The following SAMMSON variants were observed in gnomAD, a reference collection of about 807,000 sequenced individuals.
The protein encoded by SAMMSON is long intergenic non-protein coding RNA 1212.
rs969664789 is a variant in SAMMSON at position 70,060,297 on chromosome 3, A to C, written n.418-11179A>C. ...GAGGGAAACCAACAGTTAAACAAGG[A>C]ATTATTATAAAGTCTGTGCTGTGAG... On this transcript the variant is annotated intron_variant and non_coding_transcript_variant, in intron 3 of 9. Coordinates refer to ENST00000642114, the Ensembl canonical transcript of SAMMSON. Among the ~76,000 whole-genome samples the C allele has an allele frequency of 2.6e-5, 4 of 152,004 alleles. 1 individual carries two copies. The highest frequency in any genetic ancestry group is 2.6e-4 in the Admixed American group (4 of 15,260).
At chr3:70,001,712 G>A (rs1322098711) in intron 1 of SAMMSON, among the ~76,000 whole-genome samples, 2 of 152,092 alleles carry the variant, frequency 1.3e-5, no homozygotes, top group African/African-American at 4.8e-5. Context: ...CAGGTCCCCT[G>A]TCCTCAAGTA....
chr3:70,375,524 T>C (rs1575636465), intron 9 of SAMMSON, among the ~76,000 whole-genome samples: 1 of 151,980 alleles, frequency 6.6e-6, no homozygotes, highest in Non-Finnish European at 1.5e-5. Flanking sequence ...GTGTGGGAGT[T>C]GGGAGGGGGT....
chr3:70,366,682 A>T (rs2106743375), intron 9 of SAMMSON, among the ~76,000 whole-genome samples: 1 of 151,722 alleles, frequency 6.6e-6, no homozygotes, highest in East Asian at 1.9e-4. Flanking sequence ...ATAACTTTGC[A>T]AATCAATTGG....
chr3:70,253,720 C>A (rs186850972), intron 6 of SAMMSON, among the ~76,000 whole-genome samples: 20 of 152,072 alleles, frequency 1.3e-4, no homozygotes, highest in Admixed American at 1.2e-3. Context: ...AAAACCCCAA[C>A]TCTAAAAAAA....
intron 4 of SAMMSON, among the ~76,000 whole-genome samples, chr3:70,199,150 G>A (rs1237226422): frequency 6.6e-6 from 1 of 152,134 alleles, no homozygotes; most frequent in African/African-American, 2.4e-5. Flanking sequence ...CTTTATACAT[G>A]CAAGGTTAAA....
intron 6 of SAMMSON, chr3:70,283,488 C>T (rs1210549748): frequency 6.6e-6 from 1 of 152,066 alleles, no homozygotes; most frequent in Non-Finnish European, 1.5e-5. Context: ...CATACAGCAT[C>T]AAATTACTTT....
At chr3:70,340,875 G>T (rs888883273) in intron 7 of SAMMSON, among the ~76,000 whole-genome samples, 1 of 152,038 alleles carries the variant, frequency 6.6e-6, no homozygotes, top group African/African-American at 2.4e-5. Context: ...GTTGAATCTT[G>T]TGAGTCCTCT....
At chr3:70,211,080 T>C (rs937189180) in intron 4 of SAMMSON, among the ~76,000 whole-genome samples, 2 of 152,154 alleles carry the variant, frequency 1.3e-5, no homozygotes, top group African/African-American at 4.8e-5. Context: ...TTTCTCTCAT[T>C]TGACTCTTCA....
chr3:70,068,528 G>A (rs531478457), intron 3 of SAMMSON: 1 of 152,044 alleles, frequency 6.6e-6, no homozygotes, highest in Non-Finnish European at 1.5e-5. Context: ...GGGAGGTGGT[G>A]GGGTTAACTA....
chr3:70,026,130 T>C (rs1576100968), intron 3 of SAMMSON, among the ~76,000 whole-genome samples: 1 of 152,190 alleles, frequency 6.6e-6, no homozygotes, highest in South Asian at 2.1e-4. Context: ...TGTTTCTTAC[T>C]TAGATATTTT....
chr3:70,056,174 C>A (rs1024498226), intron 3 of SAMMSON, among the ~76,000 whole-genome samples: 1 of 151,992 alleles, frequency 6.6e-6, no homozygotes, highest in African/African-American at 2.4e-5. Flanking sequence ...TCTTGGAATT[C>A]CTTTTGATTT....
At chr3:70,177,024 A>C (rs940244831) in intron 4 of SAMMSON, among the ~76,000 whole-genome samples, 1 of 152,214 alleles carries the variant, frequency 6.6e-6, no homozygotes, top group African/African-American at 2.4e-5. Context: ...TACATGATGC[A>C]TTAAGGCGTT....
intron 3 of SAMMSON, among the ~76,000 whole-genome samples, chr3:70,019,674 G>A (rs1447801538): frequency 6.6e-6 from 1 of 152,182 alleles, no homozygotes; most frequent in Non-Finnish European, 1.5e-5. Flanking sequence ...TTTCTTCCTA[G>A]CATCGACGGT....
At chr3:70,171,939 G>A (rs978341957) in intron 4 of SAMMSON, among the ~76,000 whole-genome samples, 1 of 151,612 alleles carries the variant, frequency 6.6e-6, no homozygotes, top group African/African-American at 2.4e-5. Context: ...TAAGGCTATA[G>A]TGGAGTGATT....
intron 4 of SAMMSON, chr3:70,196,805 G>A (rs1576151146): frequency 5.0e-6 from 2 of 396,868 alleles, no homozygotes; most frequent in Admixed American, 4.4e-5. Flanking sequence ...GAATAAAATG[G>A]CCTATAGCAT....
In SAMMSON at chr3:70,019,058, G is replaced by A. The variant is rs558514121; in HGVS notation, n.417+5386G>A. 4.6e-5 allele frequency among the ~76,000 whole-genome samples: 7 copies of A among 152,336 alleles called. 1 individual carries two copies. In the South Asian group the frequency reaches 1.5e-3, roughly 32 times the overall value. Reference sequence around the variant, plus strand: ...TGGTGCTGAGAAGAATGTATATTCTGTTGATTTGGGGTGGAGAGTTCTGTA... The same window carrying A: ...TGGTGCTGAGAAGAATGTATATTCTATTGATTTGGGGTGGAGAGTTCTGTA... On this transcript the variant is annotated intron_variant and non_coding_transcript_variant, in intron 3 of 9. Coordinates refer to ENST00000642114, the Ensembl canonical transcript of SAMMSON.
At chr3:70,069,935 G>C (rs1391395943) in intron 3 of SAMMSON, 1 of 152,016 alleles carries the variant, frequency 6.6e-6, no homozygotes, top group Admixed American at 6.6e-5. Flanking sequence ...TCTTGATAAG[G>C]ACTTTGAAGA....
chr3:70,382,549 A>T (rs1703079379), intron 9 of SAMMSON, among the ~76,000 whole-genome samples: 1 of 152,108 alleles, frequency 6.6e-6, no homozygotes, highest in South Asian at 2.1e-4. Flanking sequence ...AATTTGTCCC[A>T]ATGAACCAGG....
At chr3:70,280,252 T>C (rs1702066950) in intron 6 of SAMMSON, among the ~76,000 whole-genome samples, 1 of 152,158 alleles carries the variant, frequency 6.6e-6, no homozygotes. Flanking sequence ...AAGATGTTTG[T>C]GATTAAATTT....
Sources: allele counts gnomAD v4.1 joint callset (sites outside exome capture counted in the v4.1 genomes callset), GRCh38; gene constraint gnomAD v4.1.1; transcripts MANE v1.5; gene names NCBI Gene and HGNC (gene_info 2026-07-23, HGNC 2026-07-21).